The following TBL1Y variants were observed in gnomAD, a reference collection of about 807,000 sequenced individuals.
The protein encoded by TBL1Y is transducin beta like 1 Y-linked.
TBL1Y carries 15 observed loss-of-function variants against 12.0 expected under a neutral mutation model. The observed-to-expected ratio is 1.25, with a 90% CI of 0.83 to 1.92. The LOEUF (loss-of-function observed/expected upper bound fraction) is 1.92, where lower values mean the gene tolerates loss of function less well. Among genes scored for constraint, TBL1Y ranks in the 40% most tolerant of loss-of-function variants. The pLI is 0.00. For missense variants in TBL1Y, 148 were observed against 116.7 expected (o/e 1.27, Z -1.24); for synonymous variants, 53 against 42.6 (o/e 1.24, Z -0.95).
intron 2 of TBL1Y, among the ~76,000 whole-genome samples, chrY:6,951,581 T>G: frequency 3.0e-5 from 1 of 33,418 alleles, no homozygotes. Context: ...TTTATTAGTC[T>G]TGCTAGCGGT....
chrY:7,035,731 A>C, intron 6 of TBL1Y, among the ~76,000 whole-genome samples: 1 of 33,140 alleles, frequency 3.0e-5, no homozygotes, highest in Non-Finnish European at 7.4e-5. Context: ...TCTCACTCCT[A>C]AATGGTAGTT....
chrY:6,931,635 T>G (rs2011866657), intron 2 of TBL1Y, among the ~76,000 whole-genome samples: 1 of 33,867 alleles, frequency 3.0e-5, no homozygotes, highest in Non-Finnish European at 7.3e-5. Context: ...TCAAACAAAA[T>G]GTAGAATAAG....
At chrY:6,966,744 G>A (rs944899133) in intron 2 of TBL1Y, among the ~76,000 whole-genome samples, 8 of 33,314 alleles carry the variant, frequency 2.4e-4, no homozygotes, top group African/African-American at 5.9e-4. Flanking sequence ...GCCTCTGGGC[G>A]TAGCTTGCCT....
chrY:7,080,041 G>A, intron 13 of TBL1Y, among the ~76,000 whole-genome samples: 2 of 26,266 alleles, frequency 7.6e-5, no homozygotes, highest in Non-Finnish European at 1.8e-4. Flanking sequence ...GATCACACAC[G>A]GGACTGTTTG....
intron 4 of TBL1Y, among the ~76,000 whole-genome samples, chrY:7,002,672 G>A (rs991458705): frequency 2.9e-5 from 1 of 34,136 alleles, no homozygotes; most frequent in Non-Finnish European, 7.3e-5. Context: ...TCTGAGCCCA[G>A]AACAAAGAAA....
At chrY:6,928,403 G>A (rs745432213) in intron 2 of TBL1Y, among the ~76,000 whole-genome samples, 1 of 33,527 alleles carries the variant, frequency 3.0e-5, no homozygotes, top group Admixed American at 2.7e-4. Context: ...GTGGGAGGTG[G>A]TGCCTTCTGC....
At chrY:7,087,693 C>G in intron 17 of TBL1Y, among the ~76,000 whole-genome samples, 1 of 33,572 alleles carries the variant, frequency 3.0e-5, no homozygotes. Context: ...ATTCCAAACC[C>G]TCACCTTGGC....
intron 2 of TBL1Y, among the ~76,000 whole-genome samples, chrY:6,956,327 T>C: frequency 3.0e-5 from 1 of 33,252 alleles, no homozygotes; most frequent in Admixed American, 2.7e-4. Flanking sequence ...TCTGGAGTCA[T>C]GGGCCATAGT....
At chrY:6,982,432 G>A in intron 3 of TBL1Y, among the ~76,000 whole-genome samples, 1 of 32,784 alleles carries the variant, frequency 3.1e-5, no homozygotes, top group Non-Finnish European at 7.4e-5. Flanking sequence ...TCCAGCCTGC[G>A]TGACGGTGAG....
At chrY:7,063,212 C>G in intron 7 of TBL1Y, among the ~76,000 whole-genome samples, 1 of 33,227 alleles carries the variant, frequency 3.0e-5, no homozygotes, top group Non-Finnish European at 7.4e-5. Context: ...TTTGGTGCCG[C>G]AAAAGAAATA....
At chrY:6,941,477 G>A in intron 2 of TBL1Y, among the ~76,000 whole-genome samples, 1 of 33,248 alleles carries the variant, frequency 3.0e-5, no homozygotes, top group Non-Finnish European at 7.4e-5. Context: ...GCGAGATTGC[G>A]CCACTGCATT....
At chrY:6,967,301 T>C in intron 2 of TBL1Y, among the ~76,000 whole-genome samples, 1 of 33,233 alleles carries the variant, frequency 3.0e-5, no homozygotes, top group Non-Finnish European at 7.4e-5. Context: ...GGAGAGGGAC[T>C]ATTGAGGGAG....
chrY:7,049,330 G>A (rs777340053), intron 7 of TBL1Y, among the ~76,000 whole-genome samples: 3 of 33,467 alleles, frequency 9.0e-5, no homozygotes, highest in Non-Finnish European at 2.2e-4. Context: ...AAATAGTACC[G>A]CAATAAACAT....
intron 2 of TBL1Y, among the ~76,000 whole-genome samples, chrY:6,945,289 C>A (rs1603027859): frequency 3.6e-5 from 1 of 27,894 alleles, no homozygotes; most frequent in Non-Finnish European, 8.4e-5. Flanking sequence ...CCATCCCCTC[C>A]ACTTCACTCT....
chrY:7,021,942 C>A, intron 5 of TBL1Y, among the ~76,000 whole-genome samples: 3 of 33,282 alleles, frequency 9.0e-5, no homozygotes, highest in Non-Finnish European at 2.2e-4. Context: ...ATTTTGTGCT[C>A]CATTAGTTTT....
At chrY:6,938,829 G>A (rs2011922906) in intron 2 of TBL1Y, among the ~76,000 whole-genome samples, 2 of 33,854 alleles carry the variant, frequency 5.9e-5, no homozygotes, top group African/African-American at 2.3e-4. Flanking sequence ...CAGGAGTGAA[G>A]ATGCAGACCT....
At chrY:7,091,393 C>T in intron 18 of TBL1Y, 79 bp from the exon 19 acceptor site, 5 of 253,500 alleles carry the variant, frequency 2.0e-5, no homozygotes, top group South Asian at 1.1e-4. Context: ...GCATGAGGGC[C>T]GTAGTTTGCT....
intron 4 of TBL1Y, among the ~76,000 whole-genome samples, chrY:7,019,080 T>C (rs2012569659): frequency 3.0e-5 from 1 of 33,462 alleles, no homozygotes; most frequent in African/African-American, 1.2e-4. Flanking sequence ...ATCTCTTTTG[T>C]ATTTGTCACA....
intron 6 of TBL1Y, among the ~76,000 whole-genome samples, chrY:7,030,416 G>A (rs2012647855): frequency 3.0e-5 from 1 of 33,378 alleles, no homozygotes; most frequent in African/African-American, 1.2e-4. Context: ...GAGCATCCTG[G>A]TTTGCACACC....
Sources: gnomAD v4.1 joint callset for allele counts (sites outside exome capture counted in the v4.1 genomes callset) on GRCh38, gnomAD v4.1.1 for gene constraint, MANE v1.5 for transcripts, NCBI Gene and HGNC (gene_info 2026-07-23, HGNC 2026-07-21) for gene names.